The following PLAA variants were observed in gnomAD, a reference collection of about 807,000 sequenced individuals.
The protein encoded by PLAA is phospholipase A-2-activating protein.
Under a neutral mutation model 84.1 loss-of-function variants are expected in PLAA, and 48 were observed. The ratio of observed to expected loss-of-function variants is 0.57; its 90% confidence interval spans 0.45 to 0.73. The LOEUF is 0.73. Among genes scored for constraint, PLAA ranks in the 30% least tolerant of loss-of-function variants. PLAA has a pLI of 0.00. For synonymous variants in PLAA, 392 were observed against 336.6 expected (o/e 1.16, Z -1.80); for missense variants, 903 against 954.7 (o/e 0.95, Z 0.71).
At chr9:26,924,840 G>A (rs1166584720) in intron 6 of PLAA, among the ~76,000 whole-genome samples, 2 of 152,060 alleles carry the variant, frequency 1.3e-5, no homozygotes, top group Admixed American at 6.6e-5. Flanking sequence ...CTTTGCTTTT[G>A]GAAGCTTTGC....
Position 26,919,523 on chromosome 9 carries a change from C to A in PLAA, c.1204G>T (p.Asp402Tyr). 6.4e-7 allele frequency: 1 copy of A among 1,568,684 alleles called. No homozygotes were observed. The highest frequency in any genetic ancestry group is 1.1e-5 in the South Asian group (1 of 89,668). The change falls in exon 9 of 14, where the codon GAT becomes TAT. Residue 402 changes from aspartate to tyrosine, a missense_variant. Asp to Tyr is a radical substitution (Grantham distance 160). Coordinates refer to ENST00000397292, the MANE Select transcript of PLAA (RefSeq NM_001031689.3). ...GKVLYEGKEFDYVFSIDVNEG... is the reference protein window; with the variant it reads ...GKVLYEGKEFYYVFSIDVNEG... ...TTGACATCAATTGAGAAAACATAAT[C>A]AAATTCCTAAAGTAGGAATATAAAA...
At chr9:26,946,807 G>A in intron 1 of PLAA, 90 bp downstream of exon 1, 1 of 1,389,906 alleles carries the variant, frequency 7.2e-7, no homozygotes, top group Non-Finnish European at 9.6e-7. Flanking sequence ...GGGAGAGAGA[G>A]ACGGCAGGAC....
chr9:26,925,693 T>C, intron 6 of PLAA, 132 bp downstream of exon 6: 1 of 685,366 alleles, frequency 1.5e-6, no homozygotes, highest in South Asian at 2.0e-5. Context: ...ACTACTGTTT[T>C]GTTTAGTAAT....
intron 8 of PLAA, 52 bp from the exon 9 acceptor site, chr9:26,919,581 A>G: frequency 1.1e-6 from 1 of 942,368 alleles, no homozygotes; most frequent in South Asian, 1.4e-5. Context: ...GTTCACATAT[A>G]TTAATGACAT....
At chr9:26,915,555 G>T in intron 10 of PLAA, 3 of 350,318 alleles carry the variant, frequency 8.6e-6, no homozygotes, top group Non-Finnish European at 8.0e-6. Flanking sequence ...TACATACCGT[G>T]GCTTAAATAT....
At chr9:26,915,534 A>G (rs772135438) in intron 10 of PLAA, 10 of 265,696 alleles carry the variant, frequency 3.8e-5, no homozygotes, top group Non-Finnish European at 5.8e-5. Flanking sequence ...ATCATCATCA[A>G]CAACAACTAA....
At chr9:26,907,811 A>G (rs759987135) in intron 13 of PLAA, 23 bp downstream of exon 13, 1 of 1,575,434 alleles carries the variant, frequency 6.3e-7, no homozygotes, top group Admixed American at 2.0e-5. Context: ...TTCTGGTTAC[A>G]TTTTTGAAGA....
chr9:26,910,656 T>C (rs1464233622), intron 11 of PLAA, among the ~76,000 whole-genome samples: 1 of 152,164 alleles, frequency 6.6e-6, no homozygotes, highest in Non-Finnish European at 1.5e-5. Context: ...AGCTTAAATG[T>C]AGAACAAGAT....
Position 26,903,383 on chromosome 9 carries a change from T to C in PLAA, c.*2128A>G, listed in dbSNP as rs1315011520. ...TGGGTATATCCATATGATAGAATAT[T>C]GTATTTATTAATGTGGAGCTCTTTG... On this transcript the variant is annotated 3_prime_UTR_variant, in exon 14 of 14. Coordinates refer to ENST00000397292, the MANE Select transcript of PLAA (RefSeq NM_001031689.3). Among the ~76,000 whole-genome samples, 1 of 152,252 alleles carries C rather than the reference T, an allele frequency of 6.6e-6. No individual in the cohort carries two copies. The highest frequency in any genetic ancestry group is 1.9e-4 in the East Asian group (1 of 5,202).
At position 26,905,495 on chromosome 9, in the gene PLAA, T is replaced by C; in HGVS notation, c.*16A>G. The stretch of plus-strand genomic sequence containing the variant: ...AACACTAATCAATTAAAAATATCCG[T>C]CCCTCTTCCCCACTGCTACAGCAAA... On this transcript the variant is annotated 3_prime_UTR_variant, in exon 14 of 14. Coordinates refer to ENST00000397292, the MANE Select transcript of PLAA (RefSeq NM_001031689.3). 6.5e-7 allele frequency: 1 copy of C among 1,548,550 alleles called. No individual in the cohort carries two copies.
rs181823206 is a variant in PLAA, at chr9:26,927,561, T to A, written c.565+539A>T. On this transcript the variant is annotated intron_variant, in intron 4 of 13. Transcript: ENST00000397292. ...AATACTTAAGTACCCTACAAATAAA[T>A]CAATGATATTACTATTAGATAGCAG... Among the ~76,000 whole-genome samples the A allele has an allele frequency of 5.1e-4, 77 of 152,282 alleles. 2 individuals are homozygous for A. In the East Asian group the frequency reaches 0.014, roughly 28 times the overall value.
rs375264681 is a variant in PLAA at position 26,947,085 on chromosome 9, C to A, written c.-40G>T. On this transcript the variant is annotated 5_prime_UTR_variant, in exon 1 of 14. Coordinates refer to ENST00000397292, the MANE Select transcript of PLAA (RefSeq NM_001031689.3). Reference sequence around the variant, plus strand: ...TGGCGCCCGGTGCCCAGGCACTGTGCGAGACCAGTCCGCAGGGGCGACTCG... The same window carrying A: ...TGGCGCCCGGTGCCCAGGCACTGTGAGAGACCAGTCCGCAGGGGCGACTCG... 2.1e-5 allele frequency: 31 copies of A among 1,484,224 alleles called. No individual in the cohort carries two copies. In the East Asian group the frequency reaches 3.7e-4, roughly 18 times the overall value. The allele number at this position is 1,484,224 out of a possible 1,614,324, so 91.9% of individuals were successfully genotyped here.
chr9:26,939,392 A>G (rs1397754224), intron 1 of PLAA, among the ~76,000 whole-genome samples: 1 of 151,872 alleles, frequency 6.6e-6, no homozygotes, highest in Admixed American at 6.6e-5. Context: ...CGTCTCAAAA[A>G]AAGATAAAAA....
At chr9:26,946,055 A>C (rs1825694958) in intron 1 of PLAA, among the ~76,000 whole-genome samples, 1 of 152,230 alleles carries the variant, frequency 6.6e-6, no homozygotes, top group Non-Finnish European at 1.5e-5. Flanking sequence ...AACAAAGAGG[A>C]GGCACTCAAC....
intron 2 of PLAA, among the ~76,000 whole-genome samples, chr9:26,930,317 G>T (rs567444980): frequency 6.6e-6 from 1 of 152,128 alleles, no homozygotes; most frequent in African/African-American, 2.4e-5. Flanking sequence ...TGTTAGCTAG[G>T]ATGGTCTCGA....
chr9:26,906,094 T>A lies in PLAA; in HGVS notation c.1823-18A>T. Reference sequence around the variant, plus strand: ...GACAATATCTATTAAAAAAAAAAAGTCATTAATGCTTATGAAAATAAAGAA... The same window carrying A: ...GACAATATCTATTAAAAAAAAAAAGACATTAATGCTTATGAAAATAAAGAA... On this transcript the variant is annotated intron_variant, in intron 13 of 13. Coordinates refer to ENST00000397292, the MANE Select transcript of PLAA (RefSeq NM_001031689.3). 3.0e-6 allele frequency: 4 copies of A among 1,322,810 alleles called. No homozygotes were observed. The highest frequency in any genetic ancestry group is 3.0e-6 in the Non-Finnish European group (3 of 993,008). The allele number at this position is 1,322,810 out of a possible 1,614,324, so 81.9% of individuals were successfully genotyped here. A position where few individuals can be genotyped will look rare whatever the true frequency, so the allele number is the denominator to read the frequency against.
intron 10 of PLAA, among the ~76,000 whole-genome samples, chr9:26,914,239 T>A (rs1824484497): frequency 1.3e-5 from 2 of 152,274 alleles, no homozygotes; most frequent in Middle Eastern, 6.8e-3. Flanking sequence ...GAATAAAATG[T>A]GAACACTATT....
At chr9:26,926,247 G>A (rs945042847) in intron 5 of PLAA, 146 bp downstream of exon 5, 24 of 615,450 alleles carry the variant, frequency 3.9e-5, no homozygotes, top group Non-Finnish European at 6.4e-5. Flanking sequence ...GTAAACAGGA[G>A]AAAGATACTT....
intron 2 of PLAA, among the ~76,000 whole-genome samples, chr9:26,932,816 C>T (rs1767067962): frequency 6.6e-6 from 1 of 152,154 alleles, no homozygotes; most frequent in African/African-American, 2.4e-5. Flanking sequence ...AACACACATA[C>T]AGGCACACAA....
Sources: allele counts gnomAD v4.1 joint callset (sites outside exome capture counted in the v4.1 genomes callset), GRCh38; gene constraint gnomAD v4.1.1; transcripts MANE v1.5; gene names NCBI Gene and HGNC (gene_info 2026-07-23, HGNC 2026-07-21).